Variants in SNTN observed in about 807,000 individuals in gnomAD.
SNTN encodes the protein sentan.
SNTN carries 13 observed loss-of-function variants against 12.3 expected under a neutral mutation model. The observed-to-expected ratio is 1.05, with a 90% CI of 0.69 to 1.67. The LOEUF is 1.67. Ranked by LOEUF, SNTN falls within the 40% of genes most tolerant of loss-of-function variation. SNTN has a pLI of 0.00. For synonymous variants in SNTN, 69 were observed against 58.5 expected, an observed-to-expected ratio of 1.18 and a Z score of -0.82; for missense variants, 189 against 169.8, an observed-to-expected ratio of 1.11 and a Z score of -0.63.
chr3:63,660,008 G>A, intron 3 of SNTN, 144 bp downstream of exon 3: 1 of 930,892 alleles, frequency 1.1e-6, no homozygotes, highest in Non-Finnish European at 1.6e-6. Flanking sequence ...CAGGCAGTGA[G>A]CTGCACTGGA....
chr3:63,653,842 G>C (rs568303225), intron 1 of SNTN, among the ~76,000 whole-genome samples: 150 of 152,234 alleles, frequency 9.9e-4, no homozygotes, highest in Non-Finnish European at 1.7e-3. Flanking sequence ...TCCTCCATAA[G>C]GCCTCCAAGG....
At chr3:63,652,859 G>C (rs1171428702) in intron 1 of SNTN, 62 bp downstream of exon 1, 3 of 1,502,084 alleles carry the variant, frequency 2.0e-6, no homozygotes, top group Non-Finnish European at 2.8e-6. Context: ...TATTTCCAAA[G>C]AGTTTATGTC....
Position 63,663,982 on chromosome 3 carries a change from G to T in SNTN, c.331G>T (p.Asp111Tyr), listed in dbSNP as rs780135430. ...PKYREILSEL[D>Y]EHTENKLDFE... Reference sequence around the variant, plus strand: ...ATACAGAGAGATCCTTTCTGAACTTGATGAGCACACAGAAAATAAGCTAGA... The same window carrying T: ...ATACAGAGAGATCCTTTCTGAACTTTATGAGCACACAGAAAATAAGCTAGA... The change falls in exon 4 of 4, where the codon GAT becomes TAT. Residue 111 changes from aspartate to tyrosine, a missense_variant. Transcript: ENST00000343837. 5 of 1,613,922 alleles carry T rather than the reference G, an allele frequency of 3.1e-6. No individual in the cohort carries two copies. Among genetic ancestry groups the T allele is most frequent in the Non-Finnish European group, 4.2e-6 (5 of 1,179,968 alleles).
chr3:63,664,765 A>G lies in SNTN; in HGVS notation c.*670A>G, dbSNP rs971559028. On this transcript the variant is annotated 3_prime_UTR_variant, in exon 4 of 4. Transcript: ENST00000343837. ...ATTTTATTTTATTTTATTTTATTTT[A>G]TTTTGAGACAGAGTTTTGCTCTTGT... The G allele has an allele frequency of 7.0e-6, 1 of 142,294 alleles. No individual in the cohort carries two copies. Among genetic ancestry groups the G allele is most frequent in the Non-Finnish European group, 1.5e-5 (1 of 66,224 alleles). The allele number at this position is 142,294 out of a possible 1,614,324, so 8.8% of individuals were successfully genotyped here. A position where few individuals can be genotyped will look rare whatever the true frequency, so the allele number is the denominator to read the frequency against.
At chr3:63,653,812 C>T (rs1282752931) in intron 1 of SNTN, among the ~76,000 whole-genome samples, 1 of 152,120 alleles carries the variant, frequency 6.6e-6, no homozygotes, top group Non-Finnish European at 1.5e-5. Context: ...TTCCTGTTGC[C>T]CTTAGGATAA....
At chr3:63,660,466 G>T (rs1328860476) in intron 3 of SNTN, among the ~76,000 whole-genome samples, 1 of 152,176 alleles carries the variant, frequency 6.6e-6, no homozygotes, top group African/African-American at 2.4e-5. Flanking sequence ...TAGGAAAAAA[G>T]GGAATAACTA....
At chr3:63,658,699 G>A (rs907692187) in intron 2 of SNTN, among the ~76,000 whole-genome samples, 7 of 152,064 alleles carry the variant, frequency 4.6e-5, no homozygotes, top group Non-Finnish European at 8.8e-5. Context: ...TCCAGTGCCT[G>A]GCCCCACATC....
intron 2 of SNTN, among the ~76,000 whole-genome samples, chr3:63,655,969 CA>C (rs1700675191): frequency 6.6e-6 from 1 of 152,124 alleles, no homozygotes. Flanking sequence ...ATTTGAGAAG[CA>C]CTGGGAAAAT....
intron 2 of SNTN, among the ~76,000 whole-genome samples, chr3:63,659,497 G>A (rs1395680919): frequency 6.6e-6 from 1 of 151,878 alleles, no homozygotes; most frequent in African/African-American, 2.4e-5. Context: ...GCAAGCAAGT[G>A]GTAAATCTCA....
chr3:63,653,210 T>G (rs1700639528), intron 1 of SNTN, among the ~76,000 whole-genome samples: 1 of 152,178 alleles, frequency 6.6e-6, no homozygotes, highest in Admixed American at 6.5e-5. Flanking sequence ...AAAAACCTTT[T>G]GTGGACACCT....
At chr3:63,662,515 G>A (rs1390424574) in intron 3 of SNTN, among the ~76,000 whole-genome samples, 1 of 152,204 alleles carries the variant, frequency 6.6e-6, no homozygotes, top group African/African-American at 2.4e-5. Flanking sequence ...CTTAAAATAT[G>A]CAGGAAATAA....
intron 2 of SNTN, among the ~76,000 whole-genome samples, chr3:63,655,614 T>C (rs772312200): frequency 3.9e-5 from 6 of 152,124 alleles, no homozygotes; most frequent in Non-Finnish European, 8.8e-5. Context: ...AGGTTGAGAT[T>C]GTAACTCGGT....
intron 1 of SNTN, 121 bp downstream of exon 1, chr3:63,652,918 C>A (rs1700636211): frequency 1.3e-6 from 1 of 762,098 alleles, no homozygotes; most frequent in African/African-American, 1.8e-5. Context: ...TATTACCTAC[C>A]CTAATCCGGC....
chr3:63,653,584 C>A (rs1700644852), intron 1 of SNTN, among the ~76,000 whole-genome samples: 1 of 152,140 alleles, frequency 6.6e-6, no homozygotes, highest in African/African-American at 2.4e-5. Context: ...CCAAAAGTTC[C>A]TTTTAAGGAG....
At chr3:63,654,726 C>G (rs1197244927) in intron 1 of SNTN, 36 bp from the exon 2 acceptor site, 1 of 1,603,482 alleles carries the variant, frequency 6.2e-7, no homozygotes, top group South Asian at 1.1e-5. Flanking sequence ...TACCCCAACT[C>G]CCAGAATCAT....
intron 2 of SNTN, among the ~76,000 whole-genome samples, chr3:63,655,278 C>T (rs577708888): frequency 1.3e-5 from 2 of 152,230 alleles, no homozygotes; most frequent in South Asian, 4.2e-4. Context: ...GGACTAACAA[C>T]ATTGCCATGG....
At chr3:63,653,520 A>AC (rs1464863082) in intron 1 of SNTN, among the ~76,000 whole-genome samples, 1 of 151,970 alleles carries the variant, frequency 6.6e-6, no homozygotes, top group African/African-American at 2.4e-5. Context: ...AAAATGAGGA[A>AC]CCCCTAAAGA....
chr3:63,657,756 C>A (rs1700696706), intron 2 of SNTN, among the ~76,000 whole-genome samples: 1 of 152,148 alleles, frequency 6.6e-6, no homozygotes, highest in Admixed American at 6.5e-5. Context: ...GATGGGGATG[C>A]CCTTGCAAGA....
At chr3:63,659,573 G>C in intron 2 of SNTN, 152 bp from the exon 3 acceptor site, 1 of 757,784 alleles carries the variant, frequency 1.3e-6, no homozygotes, top group Non-Finnish European at 2.1e-6. Flanking sequence ...AAAGATGCAG[G>C]ATTGGAAACT....
Sources: gnomAD v4.1 joint callset for allele counts (sites outside exome capture counted in the v4.1 genomes callset) on GRCh38, gnomAD v4.1.1 for gene constraint, MANE v1.5 for transcripts, NCBI Gene and HGNC (gene_info 2026-07-23, HGNC 2026-07-21) for gene names.